POC5: variants seen among roughly 807,000 people sequenced by gnomAD.
POC5 encodes centrosomal protein POC5.
A neutral mutation model predicts 62.9 loss-of-function variants in POC5; 48 were observed. The ratio of observed to expected loss-of-function variants is 0.76; its 90% CI spans 0.61 to 0.97. POC5 has a LOEUF of 0.97. Among genes scored for constraint, POC5 ranks in the 50% least tolerant of loss-of-function variants. The probability of loss-of-function intolerance (pLI) is 0.00; values close to 1 mark genes in which losing one functional copy is unlikely to be tolerated. For synonymous variants in POC5, 236 were observed against 228.2 expected (o/e 1.03, Z -0.31); for missense variants, 696 against 679.5 (o/e 1.02, Z -0.27).
rs1472405259 is a variant in POC5, at chr5:75,685,293, T to C, written c.1321A>G (p.Thr441Ala). Reference protein sequence around the residue: ...AVPSAASMTSTRAASASSVHV... With the variant: ...AVPSAASMTSARAASASSVHV... Reference sequence around the variant, plus strand: ...ACAGAAGATGCGGAAGCAGCCCTGGTAGAAGTCATCGAAGCAGCTGAGGGA... The same window carrying C: ...ACAGAAGATGCGGAAGCAGCCCTGGCAGAAGTCATCGAAGCAGCTGAGGGA... Residue 441 changes from threonine (T) to alanine (A), a missense_variant, in exon 10 of 12, where the codon ACC (threonine) becomes GCC (alanine). By Grantham distance (58) the Thr-to-Ala change is moderately conservative. Transcript: ENST00000428202. 1 of 1,613,942 alleles carries C rather than the reference T, an allele frequency of 6.2e-7. No individual in the cohort carries two copies.
At position 75,712,728 on chromosome 5, in the gene POC5, T is replaced by C. The variant is rs140642956; in HGVS notation, c.84+126A>G. On this transcript the variant is annotated intron_variant, in intron 2 of 11. Coordinates refer to ENST00000428202, the MANE Select transcript of POC5 (RefSeq NM_001099271.2). ...GTGTACAGTAATTCCTGAAGTTTGA[T>C]ATTATTATAAATTGAAAAACTCCCT... 5.0e-3 allele frequency: 3,928 copies of C among 791,002 alleles called. 19 individuals carry two copies. The highest frequency in any genetic ancestry group is 6.7e-3 in the Non-Finnish European group (3,288 of 490,472). 49.0% of individuals were successfully genotyped at this position (791,002 alleles called of 1,614,324 possible).
chr5:75,699,439 G>T (rs1300760313), intron 5 of POC5, among the ~76,000 whole-genome samples: 2 of 151,714 alleles, frequency 1.3e-5, no homozygotes, highest in Admixed American at 1.3e-4. Flanking sequence ...ATGTAATCCA[G>T]CATATAAACA....
chr5:75,685,410 C>G lies in POC5; in HGVS notation c.1204G>C (p.Asp402His). Residue 402 changes from aspartate to histidine, a missense_variant, in exon 10 of 12, where the codon GAT becomes CAT. By Grantham distance (81) the Asp-to-His change is moderately conservative. Coordinates refer to ENST00000428202, the MANE Select transcript of POC5 (RefSeq NM_001099271.2). ...VQGKEHSAHL[D>H]PSAPPMPLPV... ...AAGGGCATCGGAGGAGCTGAAGGAT[C>G]CAAATGAGCAGAATGTTCTTTTCCT... 1 of 1,613,944 alleles carries G rather than the reference C, an allele frequency of 6.2e-7. No homozygotes were observed.
Position 75,696,437 on chromosome 5 carries a change from C to T in POC5, c.514-1606G>A, listed in dbSNP as rs537035680. On this transcript the variant is annotated intron_variant, in intron 5 of 11. Transcript: ENST00000428202. ...GAGCAGCCTAACTGGGAGGCACCCC[C>T]CAGCAGAGGCAGACTGACACCTCAC... Among the ~76,000 whole-genome samples, 90 of 152,324 alleles carry T rather than the reference C, an allele frequency of 5.9e-4. 1 individual carries two copies. Among genetic ancestry groups the T allele is most frequent in the African/African-American group, 1.9e-3 (79 of 41,570 alleles).
chr5:75,676,873 T>C (rs1056319721), intron 11 of POC5, among the ~76,000 whole-genome samples: 2 of 151,396 alleles, frequency 1.3e-5, no homozygotes, highest in African/African-American at 4.9e-5. Flanking sequence ...AATAAATAAA[T>C]CCTTGTTTTT....
At chr5:75,714,593 TG>T (rs976614434) in intron 1 of POC5, among the ~76,000 whole-genome samples, 5 of 152,136 alleles carry the variant, frequency 3.3e-5, no homozygotes, top group African/African-American at 1.2e-4. Context: ...GAACTGTTGG[TG>T]GCTTCCAGAT....
chr5:75,711,329 G>A (rs1777335791), intron 2 of POC5, among the ~76,000 whole-genome samples: 1 of 150,918 alleles, frequency 6.6e-6, no homozygotes. Context: ...CTCCACCCAT[G>A]CCTCAACCAT....
chr5:75,687,321 C>T lies in POC5; in HGVS notation c.1129+1691G>A, dbSNP rs139496572. 2.4e-3 allele frequency among the ~76,000 whole-genome samples: 369 copies of T among 152,160 alleles called. 10 individuals are homozygous for T. In the East Asian group the frequency reaches 0.047, roughly 19 times the overall value. On this transcript the variant is annotated intron_variant, in intron 9 of 11. Coordinates refer to ENST00000428202, the MANE Select transcript of POC5 (RefSeq NM_001099271.2). ...CTGGGATTACAGGTGTGAGCGACCGCGCCTGGCCTATAAAAAACAGTTGTT... is the reference window on the plus strand; with the variant it reads ...CTGGGATTACAGGTGTGAGCGACCGTGCCTGGCCTATAAAAAACAGTTGTT...
At chr5:75,686,876 CCT>C (rs1249533815) in intron 9 of POC5, among the ~76,000 whole-genome samples, 1 of 151,884 alleles carries the variant, frequency 6.6e-6, no homozygotes, top group Non-Finnish European at 1.5e-5. Context: ...TTCATAAAAA[CCT>C]CTAATTTGTA....
intron 10 of POC5, among the ~76,000 whole-genome samples, chr5:75,678,673 A>G (rs1403000457): frequency 6.6e-6 from 1 of 152,164 alleles, no homozygotes; most frequent in Non-Finnish European, 1.5e-5. Flanking sequence ...TTATACCAAC[A>G]TACTACTTTG....
intron 7 of POC5, among the ~76,000 whole-genome samples, chr5:75,690,966 G>C (rs927666137): frequency 1.3e-5 from 2 of 152,218 alleles, no homozygotes; most frequent in Non-Finnish European, 2.9e-5. Flanking sequence ...TGTGGCTTCA[G>C]ATGACACTGC....
chr5:75,706,432 G>A (rs780159645), intron 3 of POC5, among the ~76,000 whole-genome samples: 10 of 152,062 alleles, frequency 6.6e-5, no homozygotes, highest in Non-Finnish European at 1.5e-4. Flanking sequence ...ACTATATAAC[G>A]TATGTTTTAA....
chr5:75,709,128 C>T (rs1205180538), intron 2 of POC5, among the ~76,000 whole-genome samples: 1 of 152,172 alleles, frequency 6.6e-6, no homozygotes, highest in Non-Finnish European at 1.5e-5. Flanking sequence ...CTGCACCCGG[C>T]CTGATTCACA....
At chr5:75,681,837 T>C (rs1422664799) in intron 10 of POC5, among the ~76,000 whole-genome samples, 1 of 152,122 alleles carries the variant, frequency 6.6e-6, no homozygotes, top group Non-Finnish European at 1.5e-5. Flanking sequence ...AAGCCAGGAT[T>C]GCAAATCTCT....
At chr5:75,686,179 A>C (rs1001193924) in intron 9 of POC5, among the ~76,000 whole-genome samples, 2 of 152,182 alleles carry the variant, frequency 1.3e-5, no homozygotes, top group African/African-American at 4.8e-5. Flanking sequence ...CAATAATGTC[A>C]AATTCCAGGG....
intron 2 of POC5, chr5:75,709,536 A>G (rs896009774): frequency 1.3e-5 from 2 of 152,198 alleles, no homozygotes; most frequent in African/African-American, 4.8e-5. Flanking sequence ...TCCTCCTTGC[A>G]CAGGGTCCAT....
At chr5:75,696,867 GA>G (rs1776620538) in intron 5 of POC5, among the ~76,000 whole-genome samples, 1 of 151,852 alleles carries the variant, frequency 6.6e-6, no homozygotes, top group Non-Finnish European at 1.5e-5. Context: ...TAAAGGAGCT[GA>G]TGGAGCTGAA....
Position 75,694,687 on chromosome 5 carries a change from T to C in POC5, c.658A>G (p.Thr220Ala). Residue 220 changes from threonine to alanine, a missense_variant, in exon 6 of 12, where the codon ACC becomes GCC. Thr to Ala is a moderately conservative substitution (Grantham distance 58, BLOSUM62 0). Coordinates refer to ENST00000428202, the MANE Select transcript of POC5 (RefSeq NM_001099271.2). Reference sequence around the variant, plus strand: ...TTTCTCCCAATGGAGATTTCAAAGGTTTTTTGCAGCTCCTTCAATTCATTG... The same window carrying C: ...TTTCTCCCAATGGAGATTTCAAAGGCTTTTTGCAGCTCCTTCAATTCATTG... ...QINELKELQK[T>A]FEISIGRKDE... 6.3e-7 allele frequency: 1 copy of C among 1,575,566 alleles called. No homozygotes were observed. The highest frequency in any genetic ancestry group is 8.6e-7 in the Non-Finnish European group (1 of 1,166,548).
chr5:75,684,009 C>G (rs1775974936), intron 10 of POC5, among the ~76,000 whole-genome samples: 2 of 151,998 alleles, frequency 1.3e-5, no homozygotes, highest in South Asian at 4.2e-4. Context: ...CGGCCTCTTA[C>G]CATATTAACA....
Sources: allele counts gnomAD v4.1 joint callset (sites outside exome capture counted in the v4.1 genomes callset), GRCh38; gene constraint gnomAD v4.1.1; transcripts MANE v1.5; gene names NCBI Gene and HGNC (gene_info 2026-07-23, HGNC 2026-07-21).